USP46: variants seen among roughly 807,000 people sequenced by gnomAD.
USP46 encodes ubiquitin carboxyl-terminal hydrolase 46.
Under a neutral mutation model 44.4 loss-of-function variants are expected in USP46, and 12 were observed. That is an observed-to-expected ratio of 0.27 (90% CI 0.17 to 0.44). The LOEUF (loss-of-function observed/expected upper bound fraction) is 0.44, where lower values mean the gene tolerates loss of function less well. USP46 is among the 20% of genes least tolerant of loss of function. The pLI is 1.00. For missense variants in USP46, 248 were observed against 444.8 expected (o/e 0.56, Z 3.98); for synonymous variants, 155 against 161.5 (o/e 0.96, Z 0.31).
At position 52,592,080 on chromosome 4, in the gene USP46, G is replaced by A. The variant is rs540512038; in HGVS notation, c.*5560C>T. The A allele has an allele frequency of 2.5e-4, 38 of 152,230 alleles. No homozygotes were observed. Among genetic ancestry groups the A allele is most frequent in the African/African-American group, 8.7e-4 (36 of 41,528 alleles). 9.4% of individuals were successfully genotyped at this position (152,230 alleles called of 1,614,324 possible). On this transcript the variant is annotated 3_prime_UTR_variant, in exon 9 of 9. Transcript: ENST00000441222. ...AGTGCCATCTGCATGTTGAGGCTGG[G>A]GCTGAATACCAAACTGTGCTGAATT...
intron 1 of USP46, among the ~76,000 whole-genome samples, chr4:52,634,717 G>A (rs1043546987): frequency 2.6e-5 from 4 of 151,902 alleles, no homozygotes; most frequent in East Asian, 2.0e-4. Context: ...GAGCCGCCAC[G>A]CCCAGCCAAA....
intron 4 of USP46, among the ~76,000 whole-genome samples, chr4:52,614,711 G>A (rs937394701): frequency 6.6e-6 from 1 of 152,072 alleles, no homozygotes; most frequent in African/African-American, 2.4e-5. Flanking sequence ...CATCAATAAT[G>A]ATAAATATTT....
chr4:52,640,945 T>C (rs566754821), intron 1 of USP46, among the ~76,000 whole-genome samples: 8 of 151,952 alleles, frequency 5.3e-5, no homozygotes, highest in South Asian at 2.1e-4. Context: ...TTTACCACTA[T>C]GAAATGCCTT....
At chr4:52,651,764 T>A (rs952717358) in intron 1 of USP46, among the ~76,000 whole-genome samples, 8 of 152,162 alleles carry the variant, frequency 5.3e-5, no homozygotes, top group Non-Finnish European at 5.9e-5. Flanking sequence ...CAGACACGAT[T>A]TTCACTAAAG....
chr4:52,631,294 T>C (rs1717816973), intron 1 of USP46, 150 bp from the exon 2 acceptor site: 1 of 582,574 alleles, frequency 1.7e-6, no homozygotes, highest in Non-Finnish European at 2.9e-6. Context: ...GTGTCAGAAG[T>C]AAAGCAGAAG....
At chr4:52,601,669 C>A (rs561604726) in intron 7 of USP46, among the ~76,000 whole-genome samples, 188 bp downstream of exon 7, 58 of 152,206 alleles carry the variant, frequency 3.8e-4, no homozygotes, top group African/African-American at 1.4e-3. Flanking sequence ...ATTATCATTA[C>A]TGGAATGCTC....
At chr4:52,609,210 T>G (rs941370323) in intron 5 of USP46, among the ~76,000 whole-genome samples, 1 of 152,192 alleles carries the variant, frequency 6.6e-6, no homozygotes, top group Non-Finnish European at 1.5e-5. Flanking sequence ...ATCATTTCTC[T>G]GAAACAAAAG....
chr4:52,630,934 A>G, intron 2 of USP46, 130 bp downstream of exon 2: 4 of 736,292 alleles, frequency 5.4e-6, no homozygotes, highest in Non-Finnish European at 8.9e-6. Context: ...TCTCCCCAAT[A>G]TTGGCATTCT....
intron 2 of USP46, chr4:52,629,742 T>C (rs1717740195): frequency 2.2e-6 from 1 of 456,068 alleles, no homozygotes; most frequent in Admixed American, 2.3e-5. Flanking sequence ...CTCAGCTTCA[T>C]GTCAGGGTTT....
chr4:52,659,162 T>A lies in USP46; in HGVS notation c.-12A>T. Reference sequence around the variant, plus strand: ...TTTCGGACAGTCATTAGTCTAAAGGTTGCAGCGATCCCTCACCGCCATCTT... The same window carrying A: ...TTTCGGACAGTCATTAGTCTAAAGGATGCAGCGATCCCTCACCGCCATCTT... On this transcript the variant is annotated 5_prime_UTR_variant, in exon 1 of 9. Coordinates refer to ENST00000441222, the MANE Select transcript of USP46 (RefSeq NM_022832.4). The surrounding 1 kb of genome is among the most constrained non-coding windows in gnomAD (Gnocchi z 4.2). 2 of 1,553,822 alleles carry A rather than the reference T, an allele frequency of 1.3e-6. No homozygotes were observed. The highest frequency in any genetic ancestry group is 5.2e-5 in the East Asian group (2 of 38,822).
At chr4:52,612,861 G>A (rs1716983967) in intron 4 of USP46, among the ~76,000 whole-genome samples, 1 of 152,192 alleles carries the variant, frequency 6.6e-6, no homozygotes, top group East Asian at 1.9e-4. Context: ...ATAGGTAACT[G>A]ATACAACCAC....
In USP46 at chr4:52,628,119, G is replaced by A; in HGVS notation, c.162C>T (p.Tyr54=). Residue 54 remains tyrosine (Y), a synonymous_variant, in exon 3 of 9, where the codon TAC becomes TAT. Coordinates refer to ENST00000441222, the MANE Select transcript of USP46 (RefSeq NM_022832.4). Reference sequence around the variant, plus strand: ...CATTCTCCCGGAATGGACGGCAGAAGTACAATGCCTGAAGCACGGAGTTAC... The same window carrying A: ...CATTCTCCCGGAATGGACGGCAGAAATACAATGCCTGAAGCACGGAGTTAC... ...CYCNSVLQAL[Y]FCRPFRENVL... 1 of 1,613,966 alleles carries A rather than the reference G, an allele frequency of 6.2e-7. No homozygotes were observed. The highest frequency in any genetic ancestry group is 8.5e-7 in the Non-Finnish European group (1 of 1,179,862).
rs1188984063 is a variant in USP46, at chr4:52,656,567, A to T, written c.36+2548T>A. The T allele has an allele frequency of 2.2e-6, 3 of 1,358,516 alleles. No individual in the cohort carries two copies. The African/African-American group carries it at 4.4e-5, about 20-fold the overall frequency. The allele number at this position is 1,358,516 out of a possible 1,614,324, so 84.2% of individuals were successfully genotyped here. A position where few individuals can be genotyped will look rare whatever the true frequency, so the allele number is the denominator to read the frequency against. ...AATGGCATGATCTCCACTGTCCCTT[A>T]AACACCTGGTAGATGACATAACAAT... On this transcript the variant is annotated intron_variant, in intron 1 of 8. Coordinates refer to ENST00000441222, the MANE Select transcript of USP46 (RefSeq NM_022832.4).
intron 4 of USP46, among the ~76,000 whole-genome samples, chr4:52,619,229 T>C (rs1050572055): frequency 6.6e-6 from 1 of 151,712 alleles, no homozygotes; most frequent in African/African-American, 2.4e-5. Flanking sequence ...AGAATGAAAC[T>C]GTCTCCATAA....
intron 2 of USP46, among the ~76,000 whole-genome samples, chr4:52,630,219 C>T (rs1038643545): frequency 6.6e-6 from 1 of 152,166 alleles, no homozygotes; most frequent in Non-Finnish European, 1.5e-5. Flanking sequence ...CTGCTGGGTC[C>T]AGCCTTCTAC....
At chr4:52,658,367 T>C (rs947661279) in intron 1 of USP46, 7 of 431,902 alleles carry the variant, frequency 1.6e-5, no homozygotes, top group African/African-American at 1.4e-4. Context: ...AACCCAGTGA[T>C]GTCCCTGGCT....
In USP46 at chr4:52,631,232, G is replaced by A. The variant is rs1717814834; in HGVS notation, c.37-88C>T. On this transcript the variant is annotated intron_variant, in intron 1 of 8. Coordinates refer to ENST00000441222, the MANE Select transcript of USP46 (RefSeq NM_022832.4). ...CTAAAAGAGTCTACTATTGAGACAA[G>A]CATCTTCCCTGGTCAACACGGTATT... 5.0e-6 allele frequency: 5 copies of A among 991,322 alleles called. No individual in the cohort carries two copies. The South Asian group carries it at 7.7e-5, about 15-fold the overall frequency. 61.4% of individuals were successfully genotyped at this position (991,322 alleles called of 1,614,324 possible). A position where few individuals can be genotyped will look rare whatever the true frequency, so the allele number is the denominator to read the frequency against.
At position 52,596,902 on chromosome 4, in the gene USP46, G is replaced by T. The variant is rs577172574; in HGVS notation, c.*738C>A. On this transcript the variant is annotated 3_prime_UTR_variant, in exon 9 of 9. Transcript: ENST00000441222. ...CATAGAGTTATTTTCCTGAAACTTG[G>T]TTTTGGTAGAAAGGTACGAAAATAA... 1 of 152,702 alleles carries T rather than the reference G, an allele frequency of 6.5e-6. No individual in the cohort carries two copies. Among genetic ancestry groups the T allele is most frequent in the South Asian group, 2.1e-4 (1 of 4,822 alleles). The allele number at this position is 152,702 out of a possible 1,614,324, so 9.5% of individuals were successfully genotyped here.
chr4:52,629,952 G>C (rs1014269140), intron 2 of USP46, among the ~76,000 whole-genome samples: 1 of 152,144 alleles, frequency 6.6e-6, no homozygotes, highest in Non-Finnish European at 1.5e-5. Flanking sequence ...ATTATATCAT[G>C]GGCAGCATTT....
Sources: allele counts gnomAD v4.1 joint callset (sites outside exome capture counted in the v4.1 genomes callset), GRCh38; gene constraint gnomAD v4.1.1; non-coding constraint Gnocchi (gnomAD v3.1); transcripts MANE v1.5; gene names NCBI Gene and HGNC (gene_info 2026-07-23, HGNC 2026-07-21).